The following PITPNC1 variants were observed in gnomAD, a reference collection of about 807,000 sequenced individuals.
PITPNC1 encodes phosphatidylinositol transfer protein cytoplasmic 1, also known as cytoplasmic phosphatidylinositol transfer protein 1.
PITPNC1 carries 18 observed loss-of-function variants against 44.7 expected under a neutral mutation model. That is an observed-to-expected ratio of 0.40 (90% CI 0.28 to 0.60). The LOEUF is 0.60. Among genes scored for constraint, PITPNC1 ranks in the 20% least tolerant of loss-of-function variants. The probability of loss-of-function intolerance (pLI) is 0.39; values close to 1 mark genes in which losing one functional copy is unlikely to be tolerated. For synonymous variants in PITPNC1, 141 were observed against 149.6 expected (o/e 0.94, Z 0.42); for missense variants, 290 against 418.4 (o/e 0.69, Z 2.68).
At chr17:67,557,150 T>G (rs1424767043) in intron 4 of PITPNC1, among the ~76,000 whole-genome samples, 1 of 152,150 alleles carries the variant, frequency 6.6e-6, no homozygotes, top group East Asian at 1.9e-4. Flanking sequence ...GTGAGGGCTG[T>G]CTTCCTGGTA....
chr17:67,594,247 A>G (rs1289553210), intron 5 of PITPNC1, among the ~76,000 whole-genome samples: 3 of 152,088 alleles, frequency 2.0e-5, no homozygotes, highest in Non-Finnish European at 4.4e-5. Context: ...GAGAGAATTG[A>G]GAGGATGCAG....
chr17:67,463,271 G>C (rs2039370827), intron 1 of PITPNC1, among the ~76,000 whole-genome samples: 1 of 152,164 alleles, frequency 6.6e-6, no homozygotes, highest in African/African-American at 2.4e-5. Flanking sequence ...CCTCTGATTG[G>C]TGGGTAGGGG....
intron 1 of PITPNC1, among the ~76,000 whole-genome samples, chr17:67,378,543 G>A (rs1369877965): frequency 6.6e-6 from 1 of 152,096 alleles, no homozygotes; most frequent in East Asian, 1.9e-4. Context: ...GGCGCGCGCT[G>A]TAGCTGGGGT....
intron 2 of PITPNC1, among the ~76,000 whole-genome samples, chr17:67,542,016 G>A (rs1230803088): frequency 1.3e-5 from 2 of 152,124 alleles, no homozygotes; most frequent in Non-Finnish European, 2.9e-5. Flanking sequence ...TATCTAATAG[G>A]CGGTTGAACA....
intron 1 of PITPNC1, among the ~76,000 whole-genome samples, chr17:67,475,146 G>C (rs1364401534): frequency 4.6e-5 from 7 of 152,178 alleles, no homozygotes; most frequent in Non-Finnish European, 1.0e-4. Context: ...AGGAAATGAA[G>C]TTCTGGTTCG....
chr17:67,416,038 C>T (rs1429099688), intron 1 of PITPNC1, among the ~76,000 whole-genome samples: 1 of 151,962 alleles, frequency 6.6e-6, no homozygotes. Flanking sequence ...GCACTACCGC[C>T]GTTATGTATA....
rs1206707608 is a variant in PITPNC1, at chr17:67,508,509, C to T, written c.49-24293C>T. On this transcript the variant is annotated intron_variant, in intron 1 of 8. Transcript: ENST00000581322. This position sits in a 1 kb window ranked among gnomAD's most constrained non-coding sequence, Gnocchi z 4.2. ...CCATCTTGGTTTTGGTGGGTTTTAC[C>T]TGGGTTCTCTACTGCAAACCTGTTT... Among the ~76,000 whole-genome samples, 1 of 152,170 alleles carries T rather than the reference C, an allele frequency of 6.6e-6. No individual in the cohort carries two copies. Among genetic ancestry groups the T allele is most frequent in the African/African-American group, 2.4e-5 (1 of 41,434 alleles).
intron 1 of PITPNC1, among the ~76,000 whole-genome samples, chr17:67,379,695 G>A (rs2037928748): frequency 1.3e-5 from 2 of 152,158 alleles, no homozygotes; most frequent in African/African-American, 4.8e-5. Flanking sequence ...TTCCAGAAAA[G>A]GTGGAGATTG....
intron 3 of PITPNC1, 165 bp from the exon 4 acceptor site, chr17:67,553,445 G>A (rs886680596): frequency 2.4e-6 from 1 of 419,640 alleles, no homozygotes; most frequent in Non-Finnish European, 4.3e-6. Context: ...AGTGCAACAC[G>A]GAGACATTCA....
chr17:67,527,042 C>T (rs986011189), intron 1 of PITPNC1, among the ~76,000 whole-genome samples: 4 of 152,152 alleles, frequency 2.6e-5, no homozygotes, highest in Non-Finnish European at 5.9e-5. Flanking sequence ...GGAATTATAA[C>T]AATAGATTTT....
chr17:67,543,288 G>A (rs145466784), intron 2 of PITPNC1, among the ~76,000 whole-genome samples: 326 of 152,160 alleles, frequency 2.1e-3, no homozygotes, highest in African/African-American at 4.5e-3. Flanking sequence ...GAATTGTCCT[G>A]TTTTTCTTTC....
intron 5 of PITPNC1, among the ~76,000 whole-genome samples, chr17:67,627,345 G>A (rs913210497): frequency 2.6e-5 from 4 of 152,238 alleles, no homozygotes; most frequent in East Asian, 1.9e-4. Flanking sequence ...CAGATGGTGG[G>A]TACCCCACCC....
rs554546500 is a variant in PITPNC1, at chr17:67,661,898, G to A, written c.463-7610G>A. Among the ~76,000 whole-genome samples, 5 of 152,072 alleles carry A rather than the reference G, an allele frequency of 3.3e-5. No homozygotes were observed. In the East Asian group the frequency reaches 9.7e-4, roughly 29 times the overall value. ...GTCATCCAGTTACTTGGGAGGCTGA[G>A]GCGGAAGAATCGCTTGAACCCGGGA... On this transcript the variant is annotated intron_variant, in intron 6 of 8. Transcript: ENST00000581322.
chr17:67,574,040 A>G (rs1014362296), intron 4 of PITPNC1, among the ~76,000 whole-genome samples: 4 of 152,228 alleles, frequency 2.6e-5, no homozygotes, highest in Admixed American at 6.5e-5. Context: ...CAAATAATCA[A>G]TGAAACAAGG....
chr17:67,501,486 C>A (rs550934370), intron 1 of PITPNC1, among the ~76,000 whole-genome samples: 2 of 152,094 alleles, frequency 1.3e-5, no homozygotes, highest in African/African-American at 2.4e-5. Context: ...TATTTTGCAA[C>A]CTTTTGGATG....
intron 1 of PITPNC1, among the ~76,000 whole-genome samples, chr17:67,518,770 G>A (rs2040289304): frequency 6.6e-6 from 1 of 152,186 alleles, no homozygotes; most frequent in Non-Finnish European, 1.5e-5. Flanking sequence ...AACATTGCAA[G>A]ACCCATCTCT....
At position 67,550,004 on chromosome 17, in the gene PITPNC1, A is replaced by G. The variant is rs552130360; in HGVS notation, c.198-2253A>G. Among the ~76,000 whole-genome samples the G allele has an allele frequency of 1.6e-4, 25 of 152,098 alleles. No individual in the cohort carries two copies. In the South Asian group the frequency reaches 5.2e-3, roughly 32 times the overall value. ...GGAACCAGGGGAAGTTTTGCTCATG[A>G]CCATTTCCTGCACGCGAGCCAGTGT... On this transcript the variant is annotated intron_variant, in intron 2 of 8. Coordinates refer to ENST00000581322, the MANE Select transcript of PITPNC1 (RefSeq NM_012417.4).
rs573125082 is a variant in PITPNC1 at position 67,535,296 on chromosome 17, C to T, written c.197+2346C>T. Among the ~76,000 whole-genome samples the T allele has an allele frequency of 1.1e-4, 17 of 152,256 alleles. No homozygotes were observed. In the South Asian group the frequency reaches 1.7e-3, roughly 15 times the overall value. Reference sequence around the variant, plus strand: ...CAACATGCTGCTTTGGCATTCTTAGCGTGGAGGGTGTAAATCAAATACTGA... The same window carrying T: ...CAACATGCTGCTTTGGCATTCTTAGTGTGGAGGGTGTAAATCAAATACTGA... On this transcript the variant is annotated intron_variant, in intron 2 of 8. Coordinates refer to ENST00000581322, the MANE Select transcript of PITPNC1 (RefSeq NM_012417.4).
intron 1 of PITPNC1, among the ~76,000 whole-genome samples, chr17:67,411,216 C>T (rs1291394307): frequency 1.3e-5 from 2 of 152,054 alleles, no homozygotes; most frequent in African/African-American, 4.8e-5. Context: ...AATGATGAGA[C>T]ACCTGCCCTA....
Sources: gnomAD v4.1 joint callset for allele counts (sites outside exome capture counted in the v4.1 genomes callset) on GRCh38, gnomAD v4.1.1 for gene constraint, Gnocchi (gnomAD v3.1) non-coding constraint, MANE v1.5 for transcripts, NCBI Gene and HGNC (gene_info 2026-07-23, HGNC 2026-07-21) for gene names.